The following STAG1 variants were observed in gnomAD, a reference collection of about 807,000 sequenced individuals.
STAG1 encodes the protein STAG1 cohesin complex component.
In STAG1, 26 loss-of-function variants were observed where a neutral mutation model predicts 170.9. That is an observed-to-expected ratio of 0.15 (90% CI 0.11 to 0.21). The LOEUF is 0.21. STAG1 is among the 10% of genes least tolerant of loss of function. The pLI, the probability that STAG1 is intolerant of heterozygous loss-of-function variation, is 1.00. For missense variants in STAG1, 964 were observed against 1,509.5 expected (o/e 0.64, Z 5.99); for synonymous variants, 514 against 497.7 (o/e 1.03, Z -0.44).
chr3:136,361,102 T>C (rs1395089192), intron 26 of STAG1, among the ~76,000 whole-genome samples: 1 of 152,238 alleles, frequency 6.6e-6, no homozygotes, highest in Non-Finnish European at 1.5e-5. Flanking sequence ...TTATTCTTTC[T>C]CTCTTCTACC....
chr3:136,453,777 A>G (rs1391382103), intron 13 of STAG1, among the ~76,000 whole-genome samples: 1 of 151,810 alleles, frequency 6.6e-6, no homozygotes, highest in Non-Finnish European at 1.5e-5. Context: ...CGGTATATGT[A>G]TATAGCATGT....
chr3:136,713,482 C>T (rs9875770), intron 1 of STAG1, among the ~76,000 whole-genome samples: 28,662 of 151,498 alleles, frequency 0.19, 3,072 homozygotes, highest in Non-Finnish European at 0.24. Context: ...ACTCGGGAGG[C>T]TGAGGCAGAA....
At chr3:136,468,439 C>T (rs1366157805) in intron 12 of STAG1, among the ~76,000 whole-genome samples, 1 of 152,128 alleles carries the variant, frequency 6.6e-6, no homozygotes, top group Non-Finnish European at 1.5e-5. Context: ...CACATACACC[C>T]TCCCAAGACT....
intron 6 of STAG1, among the ~76,000 whole-genome samples, chr3:136,538,118 C>T (rs1232501787): frequency 3.9e-5 from 6 of 152,146 alleles, no homozygotes; most frequent in Non-Finnish European, 7.3e-5. Flanking sequence ...TTGAAAACCA[C>T]TGTGTGATCA....
intron 1 of STAG1, among the ~76,000 whole-genome samples, chr3:136,732,890 G>A (rs1055146656): frequency 6.6e-6 from 1 of 152,018 alleles, no homozygotes; most frequent in Non-Finnish European, 1.5e-5. Context: ...TTACAGGCTT[G>A]AGCCACCACG....
chr3:136,582,580 T>C (rs1048364236), intron 4 of STAG1, among the ~76,000 whole-genome samples: 1 of 152,116 alleles, frequency 6.6e-6, no homozygotes, highest in African/African-American at 2.4e-5. Context: ...GGGTGGATCA[T>C]CTGAGGTCAG....
intron 6 of STAG1, among the ~76,000 whole-genome samples, chr3:136,530,602 AT>A (rs2107927283): frequency 1.3e-5 from 2 of 152,350 alleles, no homozygotes; most frequent in South Asian, 4.1e-4. Context: ...CCAGAAATCA[AT>A]ACAAAGAGAA....
chr3:136,672,791 G>A (rs1942016141), intron 1 of STAG1, among the ~76,000 whole-genome samples: 1 of 152,142 alleles, frequency 6.6e-6, no homozygotes, highest in African/African-American at 2.4e-5. Flanking sequence ...CATACAGCAG[G>A]TAAAGTTCAT....
intron 22 of STAG1, among the ~76,000 whole-genome samples, chr3:136,379,097 A>C (rs1009004664): frequency 6.6e-6 from 1 of 152,220 alleles, no homozygotes; most frequent in Non-Finnish European, 1.5e-5. Flanking sequence ...GGAGAGAAGT[A>C]AAAAGGACAC....
At chr3:136,604,633 C>T (rs113557893) in intron 3 of STAG1, among the ~76,000 whole-genome samples, 160 bp from the exon 4 acceptor site, 177 of 152,238 alleles carry the variant, frequency 1.2e-3, no homozygotes, top group African/African-American at 2.5e-3. Flanking sequence ...TAAGTTTATA[C>T]ATAAAAGGTA....
chr3:136,340,849 G>A (rs1241747327), intron 31 of STAG1, among the ~76,000 whole-genome samples: 1 of 152,148 alleles, frequency 6.6e-6, no homozygotes, highest in Non-Finnish European at 1.5e-5. Flanking sequence ...ATTTATTTAT[G>A]TGTCAATTAC....
At chr3:136,402,683 T>C (rs1477509502) in intron 21 of STAG1, among the ~76,000 whole-genome samples, 1 of 150,430 alleles carries the variant, frequency 6.6e-6, no homozygotes, top group East Asian at 2.0e-4. Context: ...ATATAAAAAA[T>C]TACCGGGTGT....
chr3:136,510,817 G>A (rs556247152), intron 7 of STAG1, among the ~76,000 whole-genome samples: 17 of 151,644 alleles, frequency 1.1e-4, no homozygotes, highest in Non-Finnish European at 1.9e-4. Context: ...TTGCTCTGTC[G>A]CCCAGTCTGG....
At chr3:136,368,170 G>C (rs619605) in intron 24 of STAG1, among the ~76,000 whole-genome samples, 55,348 of 151,924 alleles carry the variant, frequency 0.36, 12,358 homozygotes, top group East Asian at 0.8. Context: ...TAAACATACT[G>C]TTTCACAGAC....
intron 23 of STAG1, among the ~76,000 whole-genome samples, chr3:136,370,922 T>G (rs1376894349): frequency 6.6e-6 from 1 of 152,230 alleles, no homozygotes; most frequent in Admixed American, 6.5e-5. Context: ...TCTAGATTCC[T>G]GAGGAATCGC....
At chr3:136,583,271 C>A (rs948097156) in intron 4 of STAG1, among the ~76,000 whole-genome samples, 1 of 152,102 alleles carries the variant, frequency 6.6e-6, no homozygotes, top group African/African-American at 2.4e-5. Context: ...CTCATTCTAA[C>A]TTTTTTCTAG....
At chr3:136,584,477 C>T (rs1468424513) in intron 4 of STAG1, among the ~76,000 whole-genome samples, 2 of 152,184 alleles carry the variant, frequency 1.3e-5, no homozygotes, top group Non-Finnish European at 2.9e-5. Flanking sequence ...AGGACCCTTG[C>T]CAGGATTCCT....
At chr3:136,522,843 T>C (rs571090426) in intron 6 of STAG1, among the ~76,000 whole-genome samples, 9 of 151,952 alleles carry the variant, frequency 5.9e-5, no homozygotes, top group African/African-American at 2.2e-4. Context: ...CTTGTGATAG[T>C]TTCCTGAGAA....
chr3:136,460,531 G>A (rs2089243694), intron 13 of STAG1, among the ~76,000 whole-genome samples: 1 of 152,152 alleles, frequency 6.6e-6, no homozygotes, highest in South Asian at 2.1e-4. Flanking sequence ...GAACCCAGGA[G>A]GTGGAGGTTG....
Sources: gnomAD v4.1 joint callset for allele counts (sites outside exome capture counted in the v4.1 genomes callset) on GRCh38, gnomAD v4.1.1 for gene constraint, MANE v1.5 for transcripts, NCBI Gene and HGNC (gene_info 2026-07-23, HGNC 2026-07-21) for gene names.